The following PWWP3B variants were observed in gnomAD, a reference collection of about 807,000 sequenced individuals.
PWWP3B encodes PWWP domain-containing DNA repair factor 3B.
A neutral mutation model predicts 15.7 loss-of-function variants in PWWP3B; 5 were observed. The ratio of observed to expected loss-of-function variants is 0.32; its 90% CI spans 0.17 to 0.67. The LOEUF is 0.67. PWWP3B is among the 30% of genes least tolerant of loss of function. The probability of loss-of-function intolerance (pLI) is 0.74; values close to 1 mark genes in which losing one functional copy is unlikely to be tolerated. For synonymous variants in PWWP3B, 203 were observed against 179.8 expected (o/e 1.13, Z -1.03); for missense variants, 519 against 493.1 (o/e 1.05, Z -0.50).
chrX:106,181,329 C>T (rs1376299815), intron 2 of PWWP3B, among the ~76,000 whole-genome samples: 1 of 111,513 alleles, frequency 9.0e-6, no homozygotes, highest in Non-Finnish European at 1.9e-5. Context: ...TATTTGTCCC[C>T]GCCCACGTCG....
chrX:106,183,693 C>T (rs146468159), intron 2 of PWWP3B, among the ~76,000 whole-genome samples: 340 of 112,273 alleles, frequency 3.0e-3, no homozygotes, highest in Non-Finnish European at 5.2e-3. Flanking sequence ...TGGATGGTAA[C>T]GGGCCTTGAG....
chrX:106,172,170 G>C (rs1430291017), intron 2 of PWWP3B, among the ~76,000 whole-genome samples: 1 of 110,560 alleles, frequency 9.0e-6, no homozygotes, highest in Non-Finnish European at 1.9e-5. Flanking sequence ...GGGTAAGTCA[G>C]TGAGTGAGTG....
intron 2 of PWWP3B, among the ~76,000 whole-genome samples, chrX:106,192,077 C>A (rs1219891278): frequency 1.8e-5 from 2 of 111,443 alleles, no homozygotes; most frequent in Non-Finnish European, 3.8e-5. Context: ...GGGAGGATTC[C>A]CTCTTTTTCT....
At chrX:106,190,919 C>A (rs748134549) in intron 2 of PWWP3B, among the ~76,000 whole-genome samples, 178 of 111,322 alleles carry the variant, frequency 1.6e-3, no homozygotes, top group Admixed American at 2.5e-3. Flanking sequence ...TGTTTTGGTA[C>A]CAGTACCATG....
intron 2 of PWWP3B, among the ~76,000 whole-genome samples, chrX:106,196,421 T>A (rs1316460667): frequency 1.8e-5 from 2 of 112,131 alleles, no homozygotes; most frequent in African/African-American, 6.5e-5. Context: ...AGGCTTTTTA[T>A]TTTTTGTTTT....
At chrX:106,185,247 G>C (rs1922438646) in intron 2 of PWWP3B, among the ~76,000 whole-genome samples, 1 of 111,451 alleles carries the variant, frequency 9.0e-6, no homozygotes, top group Non-Finnish European at 1.9e-5. Context: ...AGGTCAAATT[G>C]GTCCCAATGG....
chrX:106,189,935 G>T, intron 2 of PWWP3B, among the ~76,000 whole-genome samples: 1 of 112,695 alleles, frequency 8.9e-6, no homozygotes, highest in East Asian at 2.8e-4. Flanking sequence ...TCTTAATCCA[G>T]TCTATCATTG....
chrX:106,192,361 TG>T lies in PWWP3B; in HGVS notation c.-400-11623del, dbSNP rs767560623. On this transcript the variant is annotated intron_variant, in intron 2 of 3. Transcript: ENST00000357175. ...TTTATAGTATTCTCTGATGGTAGTT[TG>T]TATTTCTGTGGGATGGGTGGTGATA... 2.7e-5 allele frequency among the ~76,000 whole-genome samples: 3 copies of T among 112,018 alleles called. No homozygotes were observed. In the South Asian group the frequency reaches 1.1e-3, roughly 42 times the overall value.
intron 2 of PWWP3B, among the ~76,000 whole-genome samples, chrX:106,192,283 T>C (rs1390774637): frequency 3.6e-5 from 4 of 111,960 alleles, no homozygotes; most frequent in African/African-American, 1.3e-4. Context: ...GATGTATGTG[T>C]CGAGGAATTT....
In PWWP3B at chrX:106,206,325, C is replaced by T. The variant is rs1339169255; in HGVS notation, c.893C>T (p.Pro298Leu). ...NPCLDTSQNQ[P>L]SMESEMGAAA... is the part of the protein sequence containing the mutation. ...TGCTTAGATACCAGCCAGAATCAAC[C>T]TTCCATGGAATCAGAGATGGGGGCT... The change falls in exon 4 of 4, where the codon CCT (proline) becomes CTT (leucine). Residue 298 changes from proline to leucine, a missense_variant. Coordinates refer to ENST00000357175, the MANE Select transcript of PWWP3B (RefSeq NM_001171020.2). 1.1e-5 allele frequency: 13 copies of T among 1,202,203 alleles called. No homozygotes were observed. The East Asian group carries it at 3.9e-4, about 36-fold the overall frequency.
intron 2 of PWWP3B, among the ~76,000 whole-genome samples, chrX:106,187,431 A>C (rs747024141): frequency 5.3e-5 from 6 of 112,188 alleles, no homozygotes; most frequent in Admixed American, 9.4e-5. Flanking sequence ...TTGCCTGGGA[A>C]GTATAAAATC....
chrX:106,194,827 G>T (rs1432348633), intron 2 of PWWP3B, among the ~76,000 whole-genome samples: 3 of 111,960 alleles, frequency 2.7e-5, no homozygotes, highest in Non-Finnish European at 3.8e-5. Flanking sequence ...GTTTGCCTGG[G>T]TATCAGCAGC....
chrX:106,174,255 G>A, intron 2 of PWWP3B, among the ~76,000 whole-genome samples: 1 of 111,698 alleles, frequency 9.0e-6, no homozygotes, highest in Non-Finnish European at 1.9e-5. Flanking sequence ...AATGTGGCAG[G>A]AGATGTGTTT....
chrX:106,186,865 C>T (rs987970494), intron 2 of PWWP3B, among the ~76,000 whole-genome samples: 1 of 111,576 alleles, frequency 9.0e-6, no homozygotes, highest in Non-Finnish European at 1.9e-5. Context: ...TACAGAGTGC[C>T]GATTGGTGCA....
chrX:106,197,749 G>A (rs1602862690), intron 2 of PWWP3B, among the ~76,000 whole-genome samples: 1 of 112,103 alleles, frequency 8.9e-6, no homozygotes, highest in African/African-American at 3.2e-5. Flanking sequence ...CTTGGACAGA[G>A]GTTCATATGT....
Position 106,206,742 on chromosome X carries a change from G to T in PWWP3B, c.1310G>T (p.Arg437Ile). The change falls in exon 4 of 4, where the codon AGA becomes ATA. Residue 437 changes from arginine to isoleucine, a missense_variant. Transcript: ENST00000357175. ...ATGAATTCTGAAAAGAAGGGCATTA[G>T]AGTAAATTTTAGAAGATTAAAGAAA... ...ANMNSEKKGI[R>I]VNFRRLKKFD... 12 of 1,210,279 alleles carry T rather than the reference G, an allele frequency of 9.9e-6. No homozygotes were observed. The highest frequency in any genetic ancestry group is 1.3e-5 in the Non-Finnish European group (12 of 894,811).
At chrX:106,169,876 C>T (rs1236388204) in intron 1 of PWWP3B, among the ~76,000 whole-genome samples, 2 of 111,803 alleles carry the variant, frequency 1.8e-5, no homozygotes, top group Admixed American at 9.5e-5. Context: ...AAAGAATGTG[C>T]ATGCATTCGT....
chrX:106,190,387 G>C (rs1340709929), intron 2 of PWWP3B, among the ~76,000 whole-genome samples: 1 of 111,479 alleles, frequency 9.0e-6, no homozygotes, highest in Non-Finnish European at 1.9e-5. Context: ...TTTTTGATGG[G>C]GTTGTTTGTT....
chrX:106,180,483 TTC>T, intron 2 of PWWP3B, among the ~76,000 whole-genome samples: 1 of 112,326 alleles, frequency 8.9e-6, no homozygotes, highest in Admixed American at 9.5e-5. Flanking sequence ...CGTTTGCTTA[TTC>T]TCTTTTTTCT....
Sources: gnomAD v4.1 joint callset for allele counts (sites outside exome capture counted in the v4.1 genomes callset) on GRCh38, gnomAD v4.1.1 for gene constraint, MANE v1.5 for transcripts, NCBI Gene and HGNC (gene_info 2026-07-23, HGNC 2026-07-21) for gene names.